Variants in DOCK4 observed in about 807,000 individuals in gnomAD.
DOCK4 encodes dedicator of cytokinesis 4.
A neutral mutation model predicts 268.1 loss-of-function variants in DOCK4; 97 were observed. That is an observed-to-expected ratio of 0.36 (90% confidence interval 0.31 to 0.43). DOCK4 has a LOEUF of 0.43. DOCK4 is among the 20% of genes least tolerant of loss of function. DOCK4 has a pLI of 1.00. For missense variants in DOCK4, 2,145 were observed against 2,455.7 expected (o/e 0.87, Z 2.67); for synonymous variants, 954 against 887.2 (o/e 1.08, Z -1.34).
chr7:111,928,053 A>G (rs1292604066), intron 12 of DOCK4, among the ~76,000 whole-genome samples: 3 of 152,160 alleles, frequency 2.0e-5, no homozygotes, highest in Non-Finnish European at 4.4e-5. Context: ...CATCAGACCT[A>G]CTATAAAAAA....
chr7:111,873,454 T>C (rs1806589763), intron 17 of DOCK4, among the ~76,000 whole-genome samples: 1 of 152,196 alleles, frequency 6.6e-6, no homozygotes, highest in African/African-American at 2.4e-5. Flanking sequence ...CAGCGGGACC[T>C]GGTAGAACTG....
chr7:111,823,334 G>A (rs1385443467), intron 26 of DOCK4, among the ~76,000 whole-genome samples: 1 of 150,484 alleles, frequency 6.6e-6, no homozygotes, highest in Non-Finnish European at 1.5e-5. Context: ...AGCCTCCCGA[G>A]TAGCTGAGAC....
In DOCK4 at chr7:111,735,129, C is replaced by T; in HGVS notation, c.5344G>A (p.Gly1782Arg). 6.3e-7 allele frequency: 1 copy of T among 1,598,900 alleles called. No individual in the cohort carries two copies. Among genetic ancestry groups the T allele is most frequent in the Non-Finnish European group, 8.5e-7 (1 of 1,172,502 alleles). The change falls in exon 51 of 53, where the codon GGG becomes AGG. Residue 1782 changes from glycine to arginine, a missense_variant. By Grantham distance (125) the Gly-to-Arg change is moderately radical. This residue lies in a region of DOCK4 where 547 missense variants were observed against 469.0 expected (regional missense o/e 1.17). Transcript: ENST00000428084. The stretch of plus-strand genomic sequence containing the variant: ...TCCGACATGTTCTTGGCTTCCTTCC[C>T]ACTGTCCAGGCTCCAGCTGCTAGGG... ...PTPSSWSLDS[G>R]KEAKNMSDSG... is the part of the protein sequence containing the mutation.
At chr7:111,737,685 C>T (rs370810158) in intron 49 of DOCK4, among the ~76,000 whole-genome samples, 10 of 152,236 alleles carry the variant, frequency 6.6e-5, no homozygotes, top group African/African-American at 1.7e-4. Context: ...AGATGTACTA[C>T]GGCAGTGCAC....
At chr7:111,857,823 C>T (rs532816308) in intron 23 of DOCK4, among the ~76,000 whole-genome samples, 1 of 152,318 alleles carries the variant, frequency 6.6e-6, no homozygotes, top group South Asian at 2.1e-4. Flanking sequence ...ACCCTTTTGT[C>T]ATTGCCAAAG....
intron 39 of DOCK4, among the ~76,000 whole-genome samples, chr7:111,763,852 G>A (rs1797606907): frequency 6.6e-6 from 1 of 152,194 alleles, no homozygotes; most frequent in African/African-American, 2.4e-5. Context: ...CATGTATTCT[G>A]ACTTTGCCAT....
chr7:111,766,453 G>T (rs112663981), intron 38 of DOCK4, among the ~76,000 whole-genome samples: 3 of 152,280 alleles, frequency 2.0e-5, no homozygotes, highest in African/African-American at 7.2e-5. Flanking sequence ...TGTTGCTCAA[G>T]AGTAAGGACT....
intron 12 of DOCK4, among the ~76,000 whole-genome samples, chr7:111,917,354 G>C (rs1011673337): frequency 2.0e-5 from 3 of 152,034 alleles, no homozygotes; most frequent in African/African-American, 4.8e-5. Flanking sequence ...GATAGAAAAT[G>C]AAACCAGTCA....
intron 1 of DOCK4, among the ~76,000 whole-genome samples, chr7:112,017,911 A>G (rs746191054): frequency 1.3e-5 from 2 of 152,022 alleles, no homozygotes; most frequent in Non-Finnish European, 2.9e-5. Flanking sequence ...ATCATTCTAC[A>G]TATGGTACTT....
chr7:111,953,362 C>T (rs1209368813), intron 8 of DOCK4, among the ~76,000 whole-genome samples: 1 of 152,046 alleles, frequency 6.6e-6, no homozygotes, highest in Non-Finnish European at 1.5e-5. Context: ...AGGATGGTTC[C>T]AGGGTGCAGT....
chr7:112,118,086 C>T (rs951545243), intron 1 of DOCK4, among the ~76,000 whole-genome samples: 2 of 151,880 alleles, frequency 1.3e-5, no homozygotes, highest in African/African-American at 4.8e-5. Flanking sequence ...TGAACCGTCC[C>T]CATTTTCCAC....
chr7:111,836,307 T>C (rs924258764), intron 25 of DOCK4, among the ~76,000 whole-genome samples: 1 of 151,688 alleles, frequency 6.6e-6, no homozygotes, highest in African/African-American at 2.4e-5. Context: ...GAAAAACTAC[T>C]CCTAGAGTAA....
chr7:112,177,456 AT>A (rs1818633252), intron 1 of DOCK4, among the ~76,000 whole-genome samples: 1 of 152,218 alleles, frequency 6.6e-6, no homozygotes, highest in South Asian at 2.1e-4. Context: ...ATCTTTATGG[AT>A]TTGCAAACCA....
At chr7:111,944,352 G>T (rs1286361099) in intron 10 of DOCK4, among the ~76,000 whole-genome samples, 1 of 150,094 alleles carries the variant, frequency 6.7e-6, no homozygotes, top group Non-Finnish European at 1.5e-5. Flanking sequence ...TCAGTATTCA[G>T]TATTTCACAG....
At chr7:111,990,512 T>G (rs1799436497) in intron 5 of DOCK4, among the ~76,000 whole-genome samples, 1 of 152,214 alleles carries the variant, frequency 6.6e-6, no homozygotes, top group Non-Finnish European at 1.5e-5. Context: ...TTTTTTATTT[T>G]AAAAAGTAGT....
chr7:111,817,395 C>T (rs569352031), intron 27 of DOCK4, among the ~76,000 whole-genome samples: 1 of 151,554 alleles, frequency 6.6e-6, no homozygotes, highest in African/African-American at 2.4e-5. Context: ...GGGTCAGTGG[C>T]GCATATTCCA....
intron 11 of DOCK4, among the ~76,000 whole-genome samples, chr7:111,937,696 G>T (rs1001388014): frequency 2.0e-5 from 3 of 152,200 alleles, no homozygotes; most frequent in Non-Finnish European, 4.4e-5. Context: ...CATAACAGCA[G>T]CATCATCACC....
intron 1 of DOCK4, among the ~76,000 whole-genome samples, chr7:112,175,253 A>G (rs1414205017): frequency 6.6e-6 from 1 of 152,144 alleles, no homozygotes; most frequent in East Asian, 1.9e-4. Context: ...GTGTCCTATA[A>G]TGACATTTGA....
intron 1 of DOCK4, among the ~76,000 whole-genome samples, chr7:112,185,607 A>G (rs376084197): frequency 6.6e-6 from 1 of 151,292 alleles, no homozygotes; most frequent in East Asian, 1.9e-4. Flanking sequence ...CCTCAGTTAA[A>G]AAAAAAAAAA....
Sources: gnomAD v4.1 joint callset for allele counts (sites outside exome capture counted in the v4.1 genomes callset) on GRCh38, gnomAD v4.1.1 for gene constraint, gnomAD v4.1.1 regional missense constraint, MANE v1.5 for transcripts, NCBI Gene and HGNC (gene_info 2026-07-23, HGNC 2026-07-21) for gene names.